The following ARHGAP15 variants were observed in gnomAD, a reference collection of about 807,000 sequenced individuals.
ARHGAP15 encodes the protein rho GTPase-activating protein 15.
A neutral mutation model predicts 63.7 loss-of-function variants in ARHGAP15; 51 were observed. The ratio of observed to expected loss-of-function variants is 0.80; its 90% CI spans 0.64 to 1.01. The LOEUF is 1.01. ARHGAP15 is among the 50% of genes least tolerant of loss of function. ARHGAP15 has a pLI of 0.00. For synonymous variants in ARHGAP15, 191 were observed against 193.8 expected (o/e 0.99, Z 0.12); for missense variants, 560 against 564.6 (o/e 0.99, Z 0.08).
At chr2:143,552,789 A>G (rs959048821) in intron 10 of ARHGAP15, among the ~76,000 whole-genome samples, 7 of 152,182 alleles carry the variant, frequency 4.6e-5, no homozygotes, top group Admixed American at 1.3e-4. Context: ...TCGTGTTCCC[A>G]AAGTATTTTT....
chr2:143,546,969 C>T (rs1442561389), intron 10 of ARHGAP15, among the ~76,000 whole-genome samples: 3 of 151,982 alleles, frequency 2.0e-5, no homozygotes, highest in African/African-American at 7.2e-5. Context: ...TTTATAGGTA[C>T]CTTGTTTCCC....
At chr2:143,616,815 A>T (rs1359307294) in intron 11 of ARHGAP15, among the ~76,000 whole-genome samples, 1 of 152,226 alleles carries the variant, frequency 6.6e-6, no homozygotes, top group African/African-American at 2.4e-5. Context: ...TTGATTTTGC[A>T]TACAAGTTTT....
At chr2:143,396,897 A>G (rs1438757438) in intron 6 of ARHGAP15, among the ~76,000 whole-genome samples, 1 of 152,128 alleles carries the variant, frequency 6.6e-6, no homozygotes, top group African/African-American at 2.4e-5. Flanking sequence ...TATTTATATG[A>G]ATTATCTCAA....
At chr2:143,676,509 C>T (rs1166860762) in intron 12 of ARHGAP15, 2 of 152,056 alleles carry the variant, frequency 1.3e-5, no homozygotes, top group African/African-American at 2.4e-5. Flanking sequence ...TTGACTTGAA[C>T]CACTTAGAGG....
chr2:143,646,807 G>C (rs762918394), intron 12 of ARHGAP15, among the ~76,000 whole-genome samples: 1 of 151,932 alleles, frequency 6.6e-6, no homozygotes, highest in Non-Finnish European at 1.5e-5. Flanking sequence ...TAGATGCTCT[G>C]ACCACATACT....
intron 6 of ARHGAP15, among the ~76,000 whole-genome samples, chr2:143,256,538 A>T (rs183411103): frequency 6.6e-6 from 1 of 152,216 alleles, no homozygotes; most frequent in Non-Finnish European, 1.5e-5. Context: ...AAGCCCTACC[A>T]AGCTGTTAAT....
intron 2 of ARHGAP15, among the ~76,000 whole-genome samples, chr2:143,170,453 G>A (rs1690727729): frequency 6.6e-6 from 1 of 152,054 alleles, no homozygotes; most frequent in African/African-American, 2.4e-5. Flanking sequence ...TACATGATTG[G>A]ACTGAGATGT....
At chr2:143,382,061 TTTCC>T (rs749074335) in intron 6 of ARHGAP15, among the ~76,000 whole-genome samples, 29 of 150,710 alleles carry the variant, frequency 1.9e-4, no homozygotes, top group East Asian at 7.8e-4. Flanking sequence ...TTCTTGCTTC[TTTCC>T]TTCCTTCCTT....
At chr2:143,371,493 C>T (rs913013854) in intron 6 of ARHGAP15, among the ~76,000 whole-genome samples, 5 of 152,082 alleles carry the variant, frequency 3.3e-5, no homozygotes, top group South Asian at 2.1e-4. Context: ...TCTATCTATC[C>T]GTCTTCGTCT....
intron 6 of ARHGAP15, among the ~76,000 whole-genome samples, chr2:143,258,615 TTTATC>T (rs1317831699): frequency 1.3e-5 from 2 of 152,150 alleles, no homozygotes; most frequent in East Asian, 1.9e-4. Context: ...AGGCTGCTCT[TTTATC>T]TTAACAAAAC....
chr2:143,378,997 T>C (rs1236766786), intron 6 of ARHGAP15, among the ~76,000 whole-genome samples: 2 of 151,976 alleles, frequency 1.3e-5, no homozygotes, highest in Non-Finnish European at 2.9e-5. Context: ...TTTATTTATT[T>C]ATTTTTTAAG....
Position 143,413,966 on chromosome 2 carries a change from T to TGTGTGTGTGTGCGCGC in ARHGAP15, c.475-21634_475-21633insTGTGTGTGTGCGCGCG. Reference sequence around the variant, plus strand: ...GTGTGTGTGTGTGTGTGTGTGTGTGTGCGCGCTCTCTGGCAGAAAGTTAAT... The same window carrying TGTGTGTGTGTGCGCGC: ...GTGTGTGTGTGTGTGTGTGTGTGTGTGTGTGTGTGTGCGCGCGCGCGCTCTCTGGCAGAAAGTTAAT... On this transcript the variant is annotated intron_variant, in intron 6 of 13. Transcript: ENST00000295095. Among the ~76,000 whole-genome samples, 157 of 117,912 alleles carry TGTGTGTGTGTGCGCGC rather than the reference T, an allele frequency of 1.3e-3. 1 individual carries two copies. Among genetic ancestry groups the TGTGTGTGTGTGCGCGC allele is most frequent in the African/African-American group, 4.4e-3 (125 of 28,236 alleles). 77.4% of individuals were successfully genotyped at this position (117,912 alleles called of 152,430 possible).
intron 4 of ARHGAP15, among the ~76,000 whole-genome samples, chr2:143,227,795 C>T (rs2105169761): frequency 6.6e-6 from 1 of 152,198 alleles, no homozygotes; most frequent in African/African-American, 2.4e-5. Context: ...CAATTAATTT[C>T]TATGCATACA....
At chr2:143,296,346 T>C (rs765647048) in intron 6 of ARHGAP15, among the ~76,000 whole-genome samples, 25 of 152,078 alleles carry the variant, frequency 1.6e-4, no homozygotes, top group Non-Finnish European at 1.0e-4. Context: ...GCTTTTGTGA[T>C]GCATCTGACA....
At position 143,371,430 on chromosome 2, in the gene ARHGAP15, G is replaced by A. The variant is rs528159038; in HGVS notation, c.475-64171G>A. On this transcript the variant is annotated intron_variant, in intron 6 of 13. Coordinates refer to ENST00000295095, the MANE Select transcript of ARHGAP15 (RefSeq NM_018460.4). ...GAGACTCCAAGATGGCATATTGTCC[G>A]TCTTTCTATCTCCCTACCTACCTAT... Among the ~76,000 whole-genome samples, 11 of 152,230 alleles carry A rather than the reference G, an allele frequency of 7.2e-5. No individual in the cohort carries two copies. The South Asian group carries it at 1.7e-3, about 23-fold the overall frequency.
chr2:143,639,283 A>T (rs886400548), intron 12 of ARHGAP15, among the ~76,000 whole-genome samples: 4 of 152,256 alleles, frequency 2.6e-5, no homozygotes, highest in African/African-American at 9.6e-5. Flanking sequence ...CTCATTGTTT[A>T]CTTAAGACTT....
chr2:143,199,233 T>C (rs1448457967), intron 2 of ARHGAP15, among the ~76,000 whole-genome samples: 3 of 152,110 alleles, frequency 2.0e-5, no homozygotes, highest in South Asian at 2.1e-4. Context: ...TCCTCATGCA[T>C]AGACCTTTCA....
At chr2:143,240,125 A>G (rs918072653) in intron 5 of ARHGAP15, among the ~76,000 whole-genome samples, 1 of 151,432 alleles carries the variant, frequency 6.6e-6, no homozygotes, top group Admixed American at 6.6e-5. Context: ...GCAGTGAGCT[A>G]TGATTAAGTC....
chr2:143,420,226 A>T (rs1688860740), intron 6 of ARHGAP15, among the ~76,000 whole-genome samples: 1 of 152,180 alleles, frequency 6.6e-6, no homozygotes, highest in South Asian at 2.1e-4. Flanking sequence ...GGCTAGGTGG[A>T]GGAGACTCAA....
Sources: gnomAD v4.1 joint callset for allele counts (sites outside exome capture counted in the v4.1 genomes callset) on GRCh38, gnomAD v4.1.1 for gene constraint, MANE v1.5 for transcripts, NCBI Gene and HGNC (gene_info 2026-07-23, HGNC 2026-07-21) for gene names.